The following RLIG1 variants were observed in gnomAD, a reference collection of about 807,000 sequenced individuals.
RLIG1 encodes the protein RNA 5'-phosphate and 3'-OH ligase 1.
the RLIG1 span, chr12:88,042,674 C>T: frequency 4.5e-6 from 2 of 448,046 alleles, no homozygotes; most frequent in East Asian, 3.6e-5. Context: ...GCATCAGGTA[C>T]TGCTAGGAGG....
At chr12:88,047,430 A>G in the RLIG1 span, among the ~76,000 whole-genome samples, 2 of 152,232 alleles carry the variant, frequency 1.3e-5, no homozygotes, top group African/African-American at 4.8e-5. Context: ...GAAATTCATA[A>G]TATTCAAAAC....
At chr12:88,043,763 G>T in the RLIG1 span, 3 of 1,262,028 alleles carry the variant, frequency 2.4e-6, no homozygotes, top group East Asian at 7.3e-5. Context: ...CTAGTAAAAT[G>T]ATCAAAATAT....
chr12:88,035,556 G>C, the RLIG1 span: 2 of 1,331,988 alleles, frequency 1.5e-6, no homozygotes, highest in African/African-American at 2.9e-5. Flanking sequence ...CGTGGCCTGA[G>C]CCGTGCGGGT....
the RLIG1 span, chr12:88,042,883 A>G: frequency 1.1e-5 from 18 of 1,573,530 alleles, no homozygotes; most frequent in Non-Finnish European, 1.5e-5. Context: ...CTGAAAAAAG[A>G]TTTAAAAATT....
chr12:88,036,097 A>G, the RLIG1 span: 3 of 1,344,752 alleles, frequency 2.2e-6, no homozygotes, highest in Admixed American at 6.6e-5. Flanking sequence ...TCCAAGCTTT[A>G]CTACTTTTCA....
At chr12:88,049,058 A>G in the RLIG1 span, 2 of 475,846 alleles carry the variant, frequency 4.2e-6, no homozygotes, top group East Asian at 6.9e-5. Flanking sequence ...AAGAATTCCA[A>G]TCTAAGTATA....
chr12:88,048,390 G>A, the RLIG1 span: 2 of 1,541,928 alleles, frequency 1.3e-6, no homozygotes, highest in South Asian at 2.4e-5. Flanking sequence ...TCAGAAATTT[G>A]TTAGACTCAA....
At chr12:88,048,417 G>T in the RLIG1 span, 1 of 1,368,210 alleles carries the variant, frequency 7.3e-7, no homozygotes, top group Non-Finnish European at 1.0e-6. Flanking sequence ...AATATTTGAT[G>T]TATAAAATGC....
chr12:88,047,048 A>T, the RLIG1 span: 4 of 1,363,076 alleles, frequency 2.9e-6, no homozygotes, highest in Non-Finnish European at 3.9e-6. Flanking sequence ...GTGACACTAA[A>T]ATTCTCTCTA....
chr12:88,048,900 T>G, the RLIG1 span: 19 of 235,348 alleles, frequency 8.1e-5, no homozygotes, highest in Non-Finnish European at 1.3e-4. Flanking sequence ...TTAAAATTGC[T>G]GAATTTACCC....
chr12:88,044,410 T>G, the RLIG1 span: 1 of 152,234 alleles, frequency 6.6e-6, no homozygotes, highest in African/African-American at 2.4e-5. Flanking sequence ...GTATGCTGAA[T>G]AGGAAGATAT....
At chr12:88,038,941 G>A in the RLIG1 span, among the ~76,000 whole-genome samples, 14 of 152,008 alleles carry the variant, frequency 9.2e-5, no homozygotes, top group African/African-American at 2.9e-4. Flanking sequence ...GGAAAAACAT[G>A]AAAAAAGTAA....
chr12:88,043,744 T>C, the RLIG1 span: 2 of 1,441,286 alleles, frequency 1.4e-6, no homozygotes, highest in East Asian at 2.3e-5. Context: ...TAGTGCAGTT[T>C]TGTGTTTACT....
At chr12:88,043,525 A>G in the RLIG1 span, 1 of 920,632 alleles carries the variant, frequency 1.1e-6, no homozygotes, top group African/African-American at 1.7e-5. Flanking sequence ...AGCTGTTCCC[A>G]TTTTGAGTCT....
the RLIG1 span, chr12:88,045,386 A>T: frequency 2.9e-5 from 16 of 545,094 alleles, no homozygotes; most frequent in East Asian, 4.1e-4. Context: ...TTAATTCTAC[A>T]GAATAAAAAA....
the RLIG1 span, chr12:88,035,773 C>T: frequency 4.5e-6 from 7 of 1,561,756 alleles, no homozygotes; most frequent in Non-Finnish European, 6.1e-6. Context: ...TGGCGGCCCG[C>T]GTGGGCTCCT....
the RLIG1 span, among the ~76,000 whole-genome samples, chr12:88,039,008 C>T: frequency 6.6e-6 from 1 of 152,040 alleles, no homozygotes; most frequent in East Asian, 1.9e-4. Context: ...CAAATAGAAA[C>T]TGATGTCAAT....
At chr12:88,049,140 A>T in the RLIG1 span, 7 of 1,149,152 alleles carry the variant, frequency 6.1e-6, no homozygotes, top group African/African-American at 1.1e-4. Context: ...TTTAACTTAT[A>T]AAGTTAATAA....
At chr12:88,048,999 A>G in the RLIG1 span, 1 of 402,416 alleles carries the variant, frequency 2.5e-6, no homozygotes, top group Admixed American at 4.3e-5. Flanking sequence ...CAAGTCTTCA[A>G]GTATATACTT....
Sources: allele counts gnomAD v4.1 joint callset (sites outside exome capture counted in the v4.1 genomes callset), GRCh38; gene constraint gnomAD v4.1.1; transcripts MANE v1.5; gene names NCBI Gene and HGNC (gene_info 2026-07-23, HGNC 2026-07-21).